Variants in ANTXR1 observed in about 807,000 individuals in gnomAD.
ANTXR1 encodes the protein anthrax toxin receptor 1.
In ANTXR1, 19 loss-of-function variants were observed where a neutral mutation model predicts 78.1. That is an observed-to-expected ratio of 0.24 (90% CI 0.17 to 0.36). ANTXR1 has a LOEUF of 0.36. Among genes scored for constraint, ANTXR1 ranks in the 10% least tolerant of loss-of-function variants. The pLI is 1.00. For synonymous variants in ANTXR1, 273 were observed against 260.5 expected, an observed-to-expected ratio of 1.05 and a Z score of -0.46; for missense variants, 518 against 718.6, an observed-to-expected ratio of 0.72 and a Z score of 3.19.
At chr2:69,241,541 T>C (rs1675893716) in intron 17 of ANTXR1, among the ~76,000 whole-genome samples, 2 of 152,124 alleles carry the variant, frequency 1.3e-5, no homozygotes, top group South Asian at 2.1e-4. Flanking sequence ...GGAGGTCCTA[T>C]AAGAAATAAG....
intron 3 of ANTXR1, among the ~76,000 whole-genome samples, chr2:69,069,877 T>C (rs74489320): frequency 0.021 from 3,139 of 152,284 alleles, 105 homozygotes; most frequent in African/African-American, 0.071. Flanking sequence ...AAACCCTTCA[T>C]AGGGTTACAG....
intron 11 of ANTXR1, 129 bp from the exon 12 acceptor site, chr2:69,124,436 C>A: frequency 1.2e-6 from 1 of 825,592 alleles, no homozygotes. Context: ...CCCCTCCTCC[C>A]CTGGAGAAGA....
At position 69,248,801 on chromosome 2, in the gene ANTXR1, A is replaced by C. The variant is rs1161948829; in HGVS notation, c.*3316A>C. 1 of 152,238 alleles carries C rather than the reference A, an allele frequency of 6.6e-6. No individual in the cohort carries two copies. The highest frequency in any genetic ancestry group is 1.5e-5 in the Non-Finnish European group (1 of 68,056). The allele number at this position is 152,238 out of a possible 1,614,324, so 9.4% of individuals were successfully genotyped here. A position where few individuals can be genotyped will look rare whatever the true frequency, so the allele number is the denominator to read the frequency against. On this transcript the variant is annotated 3_prime_UTR_variant, in exon 18 of 18. Coordinates refer to ENST00000303714, the MANE Select transcript of ANTXR1 (RefSeq NM_032208.3). ...AAAAAAAAAATTAATGCTGTGTAAA[A>C]TGGTTGAATTAGTTTGCAAACTATA...
intron 9 of ANTXR1, among the ~76,000 whole-genome samples, 177 bp from the exon 10 acceptor site, chr2:69,102,665 G>A (rs1191144879): frequency 6.6e-6 from 1 of 152,214 alleles, no homozygotes; most frequent in Non-Finnish European, 1.5e-5. Flanking sequence ...CACCTAGTGA[G>A]GATGCACTGG....
intron 17 of ANTXR1, among the ~76,000 whole-genome samples, chr2:69,201,260 C>T (rs1674765857): frequency 6.6e-6 from 1 of 152,120 alleles, no homozygotes; most frequent in Non-Finnish European, 1.5e-5. Context: ...TAAGCTAAGA[C>T]AAGAAGGGGG....
chr2:69,124,093 C>T (rs1019558100), intron 11 of ANTXR1, among the ~76,000 whole-genome samples: 10 of 152,186 alleles, frequency 6.6e-5, no homozygotes, highest in African/African-American at 2.4e-4. Context: ...GCATCTTCTG[C>T]TTTACTTCTG....
chr2:69,187,265 C>T (rs557050910), intron 16 of ANTXR1, among the ~76,000 whole-genome samples: 2 of 152,208 alleles, frequency 1.3e-5, no homozygotes, highest in South Asian at 2.1e-4. Flanking sequence ...GACTCATGAT[C>T]GGGAAATTTT....
At chr2:69,112,880 T>C (rs937266821) in intron 10 of ANTXR1, among the ~76,000 whole-genome samples, 1 of 152,158 alleles carries the variant, frequency 6.6e-6, no homozygotes. Context: ...TACAGATACG[T>C]TGAAATTTAC....
At chr2:69,235,762 A>C (rs1187293073) in intron 17 of ANTXR1, among the ~76,000 whole-genome samples, 1 of 148,432 alleles carries the variant, frequency 6.7e-6, no homozygotes, top group East Asian at 1.9e-4. Context: ...TAAAATTTTA[A>C]AAATCACAAA....
At chr2:69,015,106 T>A (rs1670983665) in intron 1 of ANTXR1, among the ~76,000 whole-genome samples, 1 of 151,966 alleles carries the variant, frequency 6.6e-6, no homozygotes, top group Admixed American at 6.5e-5. Context: ...AATCACCATG[T>A]CTCTGAATGG....
At chr2:69,089,281 T>A (rs1671151175) in intron 8 of ANTXR1, among the ~76,000 whole-genome samples, 1 of 152,226 alleles carries the variant, frequency 6.6e-6, no homozygotes, top group African/African-American at 2.4e-5. Context: ...AGATAACCTA[T>A]TTCAATGAAT....
At chr2:69,128,603 A>G (rs898190432) in intron 12 of ANTXR1, among the ~76,000 whole-genome samples, 3 of 152,184 alleles carry the variant, frequency 2.0e-5, no homozygotes, top group Admixed American at 2.0e-4. Flanking sequence ...GGGGCCTCAT[A>G]TTCAAACATA....
chr2:69,077,364 C>G, intron 7 of ANTXR1, 44 bp from the exon 8 acceptor site: 1 of 1,609,654 alleles, frequency 6.2e-7, no homozygotes, highest in Non-Finnish European at 8.5e-7. Context: ...CACATCCAAG[C>G]CTAACAGTCT....
At chr2:69,031,934 CA>C (rs1246054744) in intron 1 of ANTXR1, among the ~76,000 whole-genome samples, 2 of 152,154 alleles carry the variant, frequency 1.3e-5, no homozygotes, top group African/African-American at 4.8e-5. Context: ...TCCGACTGAC[CA>C]GGGTCACTTT....
At chr2:69,183,979 A>G (rs1384475033) in intron 16 of ANTXR1, among the ~76,000 whole-genome samples, 1 of 152,116 alleles carries the variant, frequency 6.6e-6, no homozygotes, top group Non-Finnish European at 1.5e-5. Flanking sequence ...TTCAAGCTGC[A>G]AACAGAACCG....
At chr2:69,241,626 C>G (rs572319001) in intron 17 of ANTXR1, among the ~76,000 whole-genome samples, 5 of 152,046 alleles carry the variant, frequency 3.3e-5, no homozygotes, top group Non-Finnish European at 7.4e-5. Context: ...TTGTTTTTCC[C>G]TACAATTTTG....
At chr2:69,022,206 C>T (rs1345452923) in intron 1 of ANTXR1, among the ~76,000 whole-genome samples, 1 of 152,218 alleles carries the variant, frequency 6.6e-6, no homozygotes, top group Non-Finnish European at 1.5e-5. Flanking sequence ...CTGTACACTG[C>T]AGGGGCTGAT....
chr2:69,106,230 C>G (rs932264781), intron 10 of ANTXR1, among the ~76,000 whole-genome samples: 2 of 152,194 alleles, frequency 1.3e-5, no homozygotes, highest in East Asian at 1.9e-4. Context: ...ACATGCTTCT[C>G]TCCCAATTTC....
rs760099309 is a variant in ANTXR1, at chr2:69,182,529, G to A, written c.1222G>A (p.Ala408Thr). Residue 408 changes from alanine (A) to threonine (T), a missense_variant, in exon 16 of 18, where the codon GCT becomes ACT. Physicochemically the swap from Ala to Thr is moderately conservative, Grantham distance 58. Coordinates refer to ENST00000303714, the MANE Select transcript of ANTXR1 (RefSeq NM_032208.3). Reference sequence around the variant, plus strand: ...AGAAAAGGGCTCCACAGAAGAAGGTGCTAAGTTGGAAAAGGCAAAGAATGC... The same window carrying A: ...AGAAAAGGGCTCCACAGAAGAAGGTACTAAGTTGGAAAAGGCAAAGAATGC... Reference protein sequence around the residue: ...WGEKGSTEEGAKLEKAKNARV... With the variant: ...WGEKGSTEEGTKLEKAKNARV... 1 of 1,614,204 alleles carries A rather than the reference G, an allele frequency of 6.2e-7. No individual in the cohort carries two copies. Among genetic ancestry groups the A allele is most frequent in the East Asian group, 2.2e-5 (1 of 44,886 alleles).
Sources: gnomAD v4.1 joint callset for allele counts (sites outside exome capture counted in the v4.1 genomes callset) on GRCh38, gnomAD v4.1.1 for gene constraint, MANE v1.5 for transcripts, NCBI Gene and HGNC (gene_info 2026-07-23, HGNC 2026-07-21) for gene names.